The following GET1 variants were observed in gnomAD, a reference collection of about 807,000 sequenced individuals.
GET1 encodes congenital heart disease 5 protein.
GET1 carries 20 observed loss-of-function variants against 22.6 expected under a neutral mutation model. The observed-to-expected ratio is 0.89, with a 90% CI of 0.62 to 1.29. The LOEUF (loss-of-function observed/expected upper bound fraction) is 1.29. GET1 is among the 50% of genes most tolerant of loss of function. GET1 has a pLI of 0.00. For missense variants in GET1, 209 were observed against 219.9 expected (o/e 0.95, Z 0.31); for synonymous variants, 92 against 83.8 (o/e 1.10, Z -0.53).
At chr21:39,427,181 G>A (rs894623316) in intron 1 of GET1, among the ~76,000 whole-genome samples, 9 of 152,166 alleles carry the variant, frequency 5.9e-5, no homozygotes, top group Non-Finnish European at 1.3e-4. Flanking sequence ...TGACTGAAGT[G>A]CTCTGATGGT....
At chr21:39,400,066 G>A (rs2038801685), downstream of GET1, among the ~76,000 whole-genome samples, 1 of 152,116 alleles carries the variant, frequency 6.6e-6, no homozygotes, top group Non-Finnish European at 1.5e-5. Context: ...CCACCATAAG[G>A]GGCTGGAATG....
chr21:39,398,686 T>C (rs4818035), downstream of GET1, among the ~76,000 whole-genome samples: 97,157 of 148,890 alleles, frequency 0.65, 32,172 homozygotes, highest in East Asian at 0.78. Context: ...TGATCTCGGC[T>C]CACTGCACCC....
intron 1 of GET1, among the ~76,000 whole-genome samples, chr21:39,382,360 C>G (rs1363782379): frequency 1.3e-5 from 2 of 152,112 alleles, no homozygotes; most frequent in African/African-American, 4.8e-5. Context: ...TGGCCCCATC[C>G]CAGAACTTTT....
chr21:39,422,893 G>A, intron 1 of GET1: 1 of 1,248,376 alleles, frequency 8.0e-7, no homozygotes, highest in Non-Finnish European at 1.1e-6. Context: ...CTTTGTTACA[G>A]AGGGGGCGCA....
intron 4 of GET1, among the ~76,000 whole-genome samples, chr21:39,403,532 A>T (rs1425299719): frequency 7.5e-6 from 1 of 133,616 alleles, no homozygotes; most frequent in Non-Finnish European, 1.6e-5. Flanking sequence ...TCACCGTGTT[A>T]GCCAGGATGG....
At chr21:39,425,475 T>C (rs532317167) in intron 1 of GET1, among the ~76,000 whole-genome samples, 1 of 152,328 alleles carries the variant, frequency 6.6e-6, no homozygotes, top group Non-Finnish European at 1.5e-5. Context: ...CATGGTTTAG[T>C]AGGGGCTATG....
At chr21:39,387,397 G>A (rs1267841496) in intron 1 of GET1, among the ~76,000 whole-genome samples, 1 of 152,110 alleles carries the variant, frequency 6.6e-6, no homozygotes, top group South Asian at 2.1e-4. Context: ...TTTGTATAAG[G>A]CGAAATTATC....
At chr21:39,411,633 A>C in intron 1 of GET1, 1 of 641,424 alleles carries the variant, frequency 1.6e-6, no homozygotes, top group Non-Finnish European at 2.7e-6. Flanking sequence ...ATTTTTGAAA[A>C]TATCCATTAT....
chr21:39,428,281 A>G (rs762097741), exon 2 of GET1: 12 of 1,610,644 alleles, frequency 7.5e-6, no homozygotes, highest in South Asian at 1.1e-5. Flanking sequence ...AATCACAGAG[A>G]AAGTCTTCTG....
intron 1 of GET1, among the ~76,000 whole-genome samples, chr21:39,425,117 T>C (rs1470946241): frequency 1.3e-5 from 2 of 152,204 alleles, no homozygotes; most frequent in Non-Finnish European, 2.9e-5. Flanking sequence ...TATATCTAGA[T>C]TCGGAGAAGG....
Position 39,393,200 on chromosome 21 carries a change from A to T in GET1, c.371A>T (p.Tyr124Phe). 6.2e-7 allele frequency: 1 copy of T among 1,614,146 alleles called. No individual in the cohort carries two copies. ...ALMISLIWKY[Y>F]SVPVAVVPSK... Reference sequence around the variant, plus strand: ...ATGATCTCACTCATTTGGAAGTATTATTCTGTCCCTGTGGCTGTCGTGCCG... The same window carrying T: ...ATGATCTCACTCATTTGGAAGTATTTTTCTGTCCCTGTGGCTGTCGTGCCG... The change falls in exon 4 of 5, where the codon TAT becomes TTT. Residue 124 changes from tyrosine (Y) to phenylalanine (F), a missense_variant. Coordinates refer to ENST00000649170, the MANE Select transcript of GET1 (RefSeq NM_004627.6).
intron 3 of GET1, 150 bp downstream of exon 3, chr21:39,391,986 T>G: frequency 1.5e-6 from 1 of 687,520 alleles, no homozygotes. Flanking sequence ...CTAAACACTC[T>G]CGGTCTCTAA....
At chr21:39,410,259 T>C (rs1267042016), downstream of GET1, 2 of 1,570,804 alleles carry the variant, frequency 1.3e-6, 1 homozygote, top group Admixed American at 3.5e-5. Context: ...CCAAATTTGC[T>C]GTACCTTAGT....
Position 39,390,923 on chromosome 21 carries a change from T to C in GET1, c.268+60T>C, listed in dbSNP as rs1376623058. The C allele has an allele frequency of 5.1e-6, 8 of 1,579,134 alleles. No individual in the cohort carries two copies. The East Asian group carries it at 6.8e-5, about 13-fold the overall frequency. On this transcript the variant is annotated intron_variant, in intron 2 of 4. Coordinates refer to ENST00000649170, the MANE Select transcript of GET1 (RefSeq NM_004627.6). ...GAGCGGATGAATAGAGAAGTCTGTA[T>C]GTGAAGATTAGTAGAATACATACTT...
intron 4 of GET1, among the ~76,000 whole-genome samples, chr21:39,403,540 T>G (rs983744530): frequency 8.0e-5 from 10 of 124,250 alleles, no homozygotes; most frequent in Admixed American, 2.9e-4. Context: ...TTAGCCAGGA[T>G]GGTCTCGATC....
At chr21:39,400,108 G>A (rs2038802667), downstream of GET1, among the ~76,000 whole-genome samples, 1 of 152,042 alleles carries the variant, frequency 6.6e-6, no homozygotes, top group South Asian at 2.1e-4. Context: ...CCCCTGACCT[G>A]GGGGGGCTCT....
intron 4 of GET1, among the ~76,000 whole-genome samples, 180 bp from the exon 5 acceptor site, chr21:39,396,685 CA>C (rs5843962): frequency 0.6 from 58,877 of 97,998 alleles, 13,792 homozygotes; most frequent in East Asian, 0.7. Context: ...GACTCCGTCT[CA>C]AAAAAAAAAA....
At chr21:39,381,285 C>T (rs907675731) in intron 1 of GET1, among the ~76,000 whole-genome samples, 1 of 152,056 alleles carries the variant, frequency 6.6e-6, no homozygotes, top group Admixed American at 6.6e-5. Flanking sequence ...GAGCGCCCTC[C>T]GTATGCCCAC....
rs756208932 is a variant in GET1, at chr21:39,406,082, A to T, written c.*98A>T. The T allele has an allele frequency of 9.3e-6, 15 of 1,614,088 alleles. No individual in the cohort carries two copies. In the Admixed American group the frequency reaches 1.5e-4, roughly 16 times the overall value. On this transcript the variant is annotated 3_prime_UTR_variant, in exon 5 of 5. Coordinates refer to the GET1 transcript ENST00000415847. Reference sequence around the variant, plus strand: ...TGGTCAGTTTTCAAGACATAGCCTGATCCAAAGAGTTCTTCCATGAGACTG... The same window carrying T: ...TGGTCAGTTTTCAAGACATAGCCTGTTCCAAAGAGTTCTTCCATGAGACTG...
Sources: gnomAD v4.1 joint callset for allele counts (sites outside exome capture counted in the v4.1 genomes callset) on GRCh38, gnomAD v4.1.1 for gene constraint, MANE v1.5 for transcripts, NCBI Gene and HGNC (gene_info 2026-07-23, HGNC 2026-07-21) for gene names.